Variants in FAHD1 observed in about 807,000 individuals in gnomAD.
FAHD1 encodes FAH domain containing oxaloacetate decarboxylase 1.
A neutral mutation model predicts 12.7 loss-of-function variants in FAHD1; 14 were observed. That is an observed-to-expected ratio of 1.10 (90% CI 0.73 to 1.72). The LOEUF is 1.72. Among genes scored for constraint, FAHD1 ranks in the 40% most tolerant of loss-of-function variants. The probability of loss-of-function intolerance (pLI) is 0.00; values close to 1 mark genes in which losing one functional copy is unlikely to be tolerated. For missense variants in FAHD1, 351 were observed against 298.9 expected (o/e 1.17, Z -1.29); for synonymous variants, 153 against 124.9 (o/e 1.22, Z -1.50).
chr16:1,835,624 A>G (rs1381022606), intron 1 of FAHD1, among the ~76,000 whole-genome samples: 1 of 152,124 alleles, frequency 6.6e-6, no homozygotes, highest in Non-Finnish European at 1.5e-5. Flanking sequence ...ACACGTTCAG[A>G]GCTGTCTGAT....
chr16:1,833,093 C>T (rs139424113), downstream of FAHD1, among the ~76,000 whole-genome samples: 71 of 152,194 alleles, frequency 4.7e-4, no homozygotes, highest in East Asian at 1.9e-3. Flanking sequence ...CCTCCCAGGC[C>T]GTGGGTCAAC....
chr16:1,833,741 T>G (rs1898666945), downstream of FAHD1, among the ~76,000 whole-genome samples: 1 of 151,874 alleles, frequency 6.6e-6, no homozygotes, highest in South Asian at 2.1e-4. Flanking sequence ...TTTTGTATTT[T>G]TAGTAGAGAT....
chr16:1,827,532 G>A (rs1337101524), exon 1 of FAHD1: 1 of 1,613,108 alleles, frequency 6.2e-7, no homozygotes, highest in Non-Finnish European at 8.5e-7. Flanking sequence ...CCCTGTGCCT[G>A]GATATGACCG....
downstream of FAHD1, among the ~76,000 whole-genome samples, chr16:1,831,447 A>G (rs1412153166): frequency 6.6e-6 from 1 of 152,178 alleles, no homozygotes. Context: ...CTCTGGAGCG[A>G]GGAGTCTGTT....
At chr16:1,832,135 A>G (rs1158916994), downstream of FAHD1, among the ~76,000 whole-genome samples, 4 of 147,116 alleles carry the variant, frequency 2.7e-5, no homozygotes, top group East Asian at 6.1e-4. Flanking sequence ...ATACCTTTAC[A>G]CCGACACCCC....
At chr16:1,827,515 G>T in exon 1 of FAHD1, 1 of 1,613,040 alleles carries the variant, frequency 6.2e-7, no homozygotes, top group Middle Eastern at 1.7e-4. Context: ...CTACGTGGGC[G>T]GCTATGCCCT....
At chr16:1,830,222 G>C (rs1041532496), downstream of FAHD1, among the ~76,000 whole-genome samples, 1 of 152,198 alleles carries the variant, frequency 6.6e-6, no homozygotes, top group Non-Finnish European at 1.5e-5. Context: ...CTTTTTCCTT[G>C]TTAGCTGACA....
chr16:1,839,199 G>A, intron 2 of FAHD1: 1 of 1,464,972 alleles, frequency 6.8e-7, no homozygotes, highest in South Asian at 1.5e-5. Context: ...TATTTTTTTG[G>A]GAAAAAGCAT....
At chr16:1,827,247 A>G (rs370553546) in exon 1 of FAHD1, 4 of 1,607,948 alleles carry the variant, frequency 2.5e-6, no homozygotes, top group Non-Finnish European at 3.4e-6. Flanking sequence ...TCATGGCAGC[A>G]TCCAGGCCAT....
downstream of FAHD1, among the ~76,000 whole-genome samples, chr16:1,832,247 T>C (rs573164792): frequency 4.3e-5 from 6 of 138,218 alleles, no homozygotes; most frequent in Admixed American, 1.6e-4. Context: ...CTCGGCTCAC[T>C]GCAAGCTCCG....
chr16:1,836,264 A>G (rs1898744881), intron 1 of FAHD1, among the ~76,000 whole-genome samples: 2 of 152,230 alleles, frequency 1.3e-5, no homozygotes, highest in Non-Finnish European at 2.9e-5. Flanking sequence ...CAGCTTGTCC[A>G]TAATTATGAA....
exon 1 of FAHD1, chr16:1,827,244 A>C (rs1232142749): frequency 1.9e-6 from 3 of 1,603,440 alleles, no homozygotes; most frequent in Non-Finnish European, 2.6e-6. Context: ...GAATCATGGC[A>C]GCATCCAGGC....
At chr16:1,828,848 G>A in exon 1 of FAHD1, 19 of 999,642 alleles carry the variant, frequency 1.9e-5, no homozygotes, top group Non-Finnish European at 2.3e-5. Flanking sequence ...CAGACCCATC[G>A]ATTCTGAGTT....
chr16:1,828,046 C>G, exon 1 of FAHD1: 5 of 1,419,510 alleles, frequency 3.5e-6, no homozygotes. Flanking sequence ...CTTTGGGAGG[C>G]CGAGGCGGGC....
downstream of FAHD1, among the ~76,000 whole-genome samples, chr16:1,833,276 C>T (rs1898655163): frequency 1.3e-5 from 2 of 152,178 alleles, no homozygotes; most frequent in South Asian, 4.1e-4. Context: ...GAGACCCAGG[C>T]ATGCTCATGA....
chr16:1,828,464 T>C (rs1004257844), exon 1 of FAHD1: 1 of 1,000,786 alleles, frequency 1.0e-6, no homozygotes, highest in Non-Finnish European at 1.2e-6. Flanking sequence ...TTTCCTTTTG[T>C]AAAACTGGAT....
At chr16:1,835,952 C>T (rs1296056177) in intron 1 of FAHD1, among the ~76,000 whole-genome samples, 1 of 149,746 alleles carries the variant, frequency 6.7e-6, no homozygotes, top group Non-Finnish European at 1.5e-5. Context: ...CTCTGCCTCC[C>T]AGGTTCAAGC....
intron 1 of FAHD1, among the ~76,000 whole-genome samples, chr16:1,835,824 A>G (rs1319570923): frequency 6.6e-6 from 1 of 151,330 alleles, no homozygotes; most frequent in African/African-American, 2.4e-5. Context: ...AGCATTTTGC[A>G]TTGCCTGCCT....
At chr16:1,836,235 T>C (rs1275757531) in intron 1 of FAHD1, among the ~76,000 whole-genome samples, 1 of 152,214 alleles carries the variant, frequency 6.6e-6, no homozygotes, top group Non-Finnish European at 1.5e-5. Context: ...TAAAATACTG[T>C]GTTACCTAAT....
Sources: allele counts gnomAD v4.1 joint callset (sites outside exome capture counted in the v4.1 genomes callset), GRCh38; gene constraint gnomAD v4.1.1; transcripts MANE v1.5; gene names NCBI Gene and HGNC (gene_info 2026-07-23, HGNC 2026-07-21).